Variants in SYNE4 observed in about 807,000 individuals in gnomAD.
The protein encoded by SYNE4 is spectrin repeat containing nuclear envelope family member 4, also known as nesprin-4.
In SYNE4, 41 loss-of-function variants were observed where a neutral mutation model predicts 46.9. The observed-to-expected ratio is 0.87, with a 90% confidence interval of 0.68 to 1.13. The LOEUF (loss-of-function observed/expected upper bound fraction) is 1.13, where lower values mean the gene tolerates loss of function less well. Ranked by LOEUF, SYNE4 falls within the 50% of genes most tolerant of loss-of-function variation. SYNE4 has a pLI of 0.00. For synonymous variants in SYNE4, 221 were observed against 219.5 expected, an observed-to-expected ratio of 1.01 and a Z score of -0.06; for missense variants, 492 against 514.8, an observed-to-expected ratio of 0.96 and a Z score of 0.43.
chr19:36,005,542 A>G, intron 5 of SYNE4, 105 bp from the exon 6 acceptor site: 1 of 989,810 alleles, frequency 1.0e-6, no homozygotes, highest in Non-Finnish European at 1.5e-6. Context: ...AGGACAGACA[A>G]AGGCAGAGCC....
chr19:36,005,056 C>T (rs534585559), intron 6 of SYNE4, among the ~76,000 whole-genome samples: 10 of 151,378 alleles, frequency 6.6e-5, no homozygotes, highest in South Asian at 4.2e-4. Context: ...TTAGTAGAGA[C>T]GGGGTTTCAC....
chr19:36,003,513 C>G lies in SYNE4; in HGVS notation c.1039G>C (p.Asp347His). The change falls in exon 8 of 8, where the codon GAT becomes CAT. Residue 347 changes from aspartate (D) to histidine (H), a missense_variant. By Grantham distance (81) the Asp-to-His change is moderately conservative (BLOSUM62 -1). Coordinates refer to ENST00000324444, the MANE Select transcript of SYNE4 (RefSeq NM_001039876.3). ...VRLEGNPGAPDPASRQPLTFL... is the reference protein window; with the variant it reads ...VRLEGNPGAPHPASRQPLTFL... The stretch of plus-strand genomic sequence containing the variant: ...GTCAGAGGCTGCCTGGATGCAGGAT[C>G]GGGGGCCCTGTGAAGGGAAATGCAG... 1 of 1,598,722 alleles carries G rather than the reference C, an allele frequency of 6.3e-7. No homozygotes were observed. The highest frequency in any genetic ancestry group is 8.5e-7 in the Non-Finnish European group (1 of 1,172,262).
chr19:36,007,401 C>T, intron 2 of SYNE4, 133 bp from the exon 3 acceptor site: 1 of 1,430,380 alleles, frequency 7.0e-7, no homozygotes, highest in Non-Finnish European at 9.2e-7. Context: ...CTGTCTGCAC[C>T]AGGATGGCTC....
In SYNE4 at chr19:36,006,447, G is replaced by A. The variant is rs371098132; in HGVS notation, c.843C>T (p.Pro281=). Residue 281 remains proline (P), a synonymous_variant, in exon 5 of 8, where the codon CCC becomes CCT. Coordinates refer to ENST00000324444, the MANE Select transcript of SYNE4 (RefSeq NM_001039876.3). Reference sequence around the variant, plus strand: ...CCTCAAGGCCTTGTCCCCTGCCCTGGGGCCCCCTCTGGCCACACAGCTCAC... The same window carrying A: ...CCTCAAGGCCTTGTCCCCTGCCCTGAGGCCCCCTCTGGCCACACAGCTCAC... The part of the protein sequence containing the change: ...VPCELCGQRG[P]QGRGQGLEEA... 3 of 1,611,392 alleles carry A rather than the reference G, an allele frequency of 1.9e-6. No homozygotes were observed. The highest frequency in any genetic ancestry group is 2.7e-5 in the African/African-American group (2 of 74,854).
At position 36,004,866 on chromosome 19, in the gene SYNE4, C is replaced by CTT. The variant is rs59700541; in HGVS notation, c.972+465_972+466dup. Among the ~76,000 whole-genome samples, 304 of 89,902 alleles carry CTT rather than the reference C, an allele frequency of 3.4e-3. 13 individuals carry two copies. Among genetic ancestry groups the CTT allele is most frequent in the Admixed American group, 0.011 (70 of 6,578 alleles). 59.0% of individuals were successfully genotyped at this position (89,902 alleles called of 152,430 possible). A position where few individuals can be genotyped will look rare whatever the true frequency, so the allele number is the denominator to read the frequency against. ...GAGCCCTGATGTTATTTCTTTCTTT[C>CTT]TTTTTTTTTTTTTTTTTTTTTTTTT... On this transcript the variant is annotated intron_variant, in intron 6 of 7. Coordinates refer to ENST00000324444, the MANE Select transcript of SYNE4 (RefSeq NM_001039876.3).
At chr19:36,007,491 G>A in intron 2 of SYNE4, 1 of 985,350 alleles carries the variant, frequency 1.0e-6, no homozygotes, top group Non-Finnish European at 1.2e-6. Flanking sequence ...CAAAGCTCCT[G>A]GAAACTTGGA....
At chr19:36,007,752 G>A (rs573614209) in intron 2 of SYNE4, among the ~76,000 whole-genome samples, 27 of 151,546 alleles carry the variant, frequency 1.8e-4, no homozygotes, top group South Asian at 6.3e-4. Context: ...GGCTGGACAC[G>A]GTGACGCACG....
Position 36,006,588 on chromosome 19 carries a change from C to A in SYNE4, c.702G>T (p.Gly234=), listed in dbSNP as rs578215240. The change falls in exon 5 of 8, where the codon GGG becomes GGT. Residue 234 remains glycine, a synonymous_variant. Transcript: ENST00000324444. The stretch of plus-strand genomic sequence containing the variant: ...TGGGGAGGCTACTGGGTGCCCAGGG[C>A]CCCCAGACCCCACCAGGTCCTGGCC... The part of the protein sequence containing the change: ...SDWPGPGGVW[G]PWAPSSLPTS... 4 of 1,606,538 alleles carry A rather than the reference C, an allele frequency of 2.5e-6. No individual in the cohort carries two copies. Among genetic ancestry groups the A allele is most frequent in the Non-Finnish European group, 3.4e-6 (4 of 1,176,580 alleles).
chr19:36,005,565 A>C, intron 5 of SYNE4, 128 bp from the exon 6 acceptor site: 2 of 737,292 alleles, frequency 2.7e-6, no homozygotes, highest in Non-Finnish European at 4.5e-6. Context: ...AGAAACCAAG[A>C]GAGGAGAGAA....
chr19:36,006,717 G>A (rs1374638638), intron 4 of SYNE4, 33 bp downstream of exon 4: 3 of 1,590,722 alleles, frequency 1.9e-6, no homozygotes, highest in African/African-American at 2.7e-5. Flanking sequence ...GTTGGGGCCT[G>A]GGTTGGGTGG....
In SYNE4 at chr19:36,007,247, C is replaced by A; in HGVS notation, c.301G>T (p.Val101Leu). Residue 101 changes from valine to leucine, a missense_variant, in exon 3 of 8, where the codon GTA (valine) becomes TTA (leucine). Val to Leu is a conservative substitution (Grantham distance 32). Coordinates refer to ENST00000324444, the MANE Select transcript of SYNE4 (RefSeq NM_001039876.3). ...HCEHPISGLE[V>L]LEAEQNSLHL... ...AGGCTGTTCTGCTCAGCCTCTAGTA[C>A]CTCCAGGCCAGAAATGGGGTGCTGG... 3.1e-6 allele frequency: 5 copies of A among 1,598,432 alleles called. No individual in the cohort carries two copies. The highest frequency in any genetic ancestry group is 3.4e-6 in the Non-Finnish European group (4 of 1,173,028).
In SYNE4 at chr19:36,008,615, G is replaced by C. The variant is rs781299860; in HGVS notation, c.67C>G (p.Pro23Ala). ...CATCCAACAATGTCCGCCTCTCTAG[G>C]TGCTCCCGGTGGGTGGTTGAGGGGC... ...SEPLNHPPGA[P>A]READIVGCTV... The change falls in exon 1 of 8, where the codon CCT becomes GCT. Residue 23 changes from proline to alanine, a missense_variant. Pro to Ala is a conservative substitution (Grantham distance 27). Coordinates refer to ENST00000324444, the MANE Select transcript of SYNE4 (RefSeq NM_001039876.3). 6.2e-6 allele frequency: 10 copies of C among 1,614,076 alleles called. No homozygotes were observed. In the South Asian group the frequency reaches 1.1e-4, roughly 18 times the overall value.
Position 36,008,669 on chromosome 19 carries a change from G to GGGAC in SYNE4, c.9_12dup (p.Leu5ValfsTer7). ...GAGCCAAGTCTAGGGCCCAGAGGCAGGGACAGGGCCATGGCTGGGGGCCTG... is the reference window on the plus strand; with the variant it reads ...GAGCCAAGTCTAGGGCCCAGAGGCAGGGACGGACAGGGCCATGGCTGGGGGCCTG... On this transcript the variant is annotated frameshift_variant, in exon 1 of 8. Transcript: ENST00000324444. LOFTEE classifies it high-confidence loss of function. 1 of 1,612,466 alleles carries GGGAC rather than the reference G, an allele frequency of 6.2e-7. No individual in the cohort carries two copies. The highest frequency in any genetic ancestry group is 8.5e-7 in the Non-Finnish European group (1 of 1,179,376).
chr19:36,007,513 T>TG, intron 2 of SYNE4: 1 of 984,958 alleles, frequency 1.0e-6, no homozygotes, highest in Non-Finnish European at 1.2e-6. Context: ...GTGTGAGGCC[T>TG]GGGGGGTCTG....
intron 6 of SYNE4, among the ~76,000 whole-genome samples, chr19:36,004,020 C>A (rs1407459638): frequency 6.6e-6 from 1 of 152,018 alleles, no homozygotes; most frequent in African/African-American, 2.4e-5. Context: ...CTGGCCGACA[C>A]ATTATTTTTT....
At chr19:36,007,063 G>A (rs1027781451) in intron 3 of SYNE4, 62 bp downstream of exon 3, 55 of 1,563,484 alleles carry the variant, frequency 3.5e-5, no homozygotes, top group South Asian at 1.6e-4. Context: ...TTCCCATCCC[G>A]GAAAGCTGGC....
chr19:36,007,296 C>T, intron 2 of SYNE4, 28 bp from the exon 3 acceptor site: 1 of 1,575,108 alleles, frequency 6.3e-7, no homozygotes, highest in Non-Finnish European at 8.6e-7. Context: ...CAGGTCAGGG[C>T]CAGTGGGCCA....
chr19:36,007,526 CA>C, intron 2 of SYNE4: 1 of 985,230 alleles, frequency 1.0e-6, no homozygotes, highest in Non-Finnish European at 1.2e-6. Flanking sequence ...GGGGTCTGGA[CA>C]GGGAGCGGGG....
intron 5 of SYNE4, 88 bp from the exon 6 acceptor site, chr19:36,005,525 A>T: frequency 1.6e-6 from 2 of 1,227,872 alleles, no homozygotes; most frequent in Admixed American, 4.0e-5. Context: ...GAGCAGAGAG[A>T]TCTCACAGGA....
Sources: gnomAD v4.1 joint callset for allele counts (sites outside exome capture counted in the v4.1 genomes callset) on GRCh38, gnomAD v4.1.1 for gene constraint, MANE v1.5 for transcripts, NCBI Gene and HGNC (gene_info 2026-07-23, HGNC 2026-07-21) for gene names.